Variants in CTNNA3 observed in about 807,000 individuals in gnomAD.
CTNNA3 encodes the protein catenin alpha-3.
In CTNNA3, 76 loss-of-function variants were observed where a neutral mutation model predicts 95.7. That is an observed-to-expected ratio of 0.79 (90% confidence interval 0.66 to 0.96). The LOEUF is 0.96. Among genes scored for constraint, CTNNA3 ranks in the 40% least tolerant of loss-of-function variants. CTNNA3 has a pLI of 0.00. For synonymous variants in CTNNA3, 431 were observed against 374.4 expected (o/e 1.15, Z -1.74); for missense variants, 1,191 against 1,089.8 (o/e 1.09, Z -1.31).
chr10:67,120,696 T>C (rs1409996389), intron 7 of CTNNA3, among the ~76,000 whole-genome samples: 1 of 152,046 alleles, frequency 6.6e-6, no homozygotes, highest in African/African-American at 2.4e-5. Context: ...ACCTACTGTA[T>C]ATATCTTGTT....
intron 11 of CTNNA3, among the ~76,000 whole-genome samples, chr10:66,474,789 T>G (rs141629183): frequency 1.4e-4 from 22 of 152,196 alleles, no homozygotes; most frequent in Non-Finnish European, 2.8e-4. Context: ...TCCCTGATGA[T>G]TAGTGATGCC....
intron 5 of CTNNA3, among the ~76,000 whole-genome samples, chr10:67,253,624 G>A (rs1866200685): frequency 6.6e-6 from 1 of 152,174 alleles, no homozygotes; most frequent in South Asian, 2.1e-4. Context: ...GAGGCCATCA[G>A]GGGATTCAAC....
Position 66,634,544 on chromosome 10 carries a change from A to C in CTNNA3, c.1282-12760T>G, listed in dbSNP as rs1845268704. Among the ~76,000 whole-genome samples, 6 of 150,140 alleles carry C rather than the reference A, an allele frequency of 4.0e-5. No homozygotes were observed. The South Asian group carries it at 1.3e-3, about 31-fold the overall frequency. The stretch of plus-strand genomic sequence containing the variant: ...TGATCTTAATAATGAATTTAAATTC[A>C]ACATGTTTGGAAAGGTACTCTGTGC... On this transcript the variant is annotated intron_variant, in intron 9 of 17. Coordinates refer to ENST00000433211, the MANE Select transcript of CTNNA3 (RefSeq NM_013266.4).
rs1158635353 is a variant in CTNNA3 at position 66,509,061 on chromosome 10, GT to G, written c.1531+11555del. Among the ~76,000 whole-genome samples, 34 of 152,124 alleles carry G rather than the reference GT, an allele frequency of 2.2e-4. 1 individual carries two copies. The highest frequency in any genetic ancestry group is 7.5e-4 in the African/African-American group (31 of 41,542). ...ACACCAGCGTTTGTTATTTATTTTT[GT>G]CTTTTTGATAATAGGAATTCTGACT... On this transcript the variant is annotated intron_variant, in intron 11 of 17. Coordinates refer to ENST00000433211, the MANE Select transcript of CTNNA3 (RefSeq NM_013266.4).
intron 5 of CTNNA3, among the ~76,000 whole-genome samples, chr10:67,286,994 C>T (rs1330354191): frequency 6.6e-6 from 1 of 152,088 alleles, no homozygotes; most frequent in Non-Finnish European, 1.5e-5. Context: ...TCTGAAATCC[C>T]CCTAGAAGCA....
chr10:66,263,934 C>G (rs1278749750), intron 13 of CTNNA3, among the ~76,000 whole-genome samples: 1 of 151,850 alleles, frequency 6.6e-6, no homozygotes, highest in South Asian at 2.1e-4. Flanking sequence ...AGCCGTTTCT[C>G]GGTTTTCTAT....
At chr10:67,127,837 T>C (rs1859794017) in intron 7 of CTNNA3, among the ~76,000 whole-genome samples, 1 of 151,894 alleles carries the variant, frequency 6.6e-6, no homozygotes. Flanking sequence ...AGGAAAGAAC[T>C]TGAGATTGTG....
At chr10:67,648,860 T>C in intron 1 of CTNNA3, 3 of 1,113,452 alleles carry the variant, frequency 2.7e-6, no homozygotes, top group Non-Finnish European at 3.6e-6. Flanking sequence ...CCAAACACTA[T>C]TGCCAAATGG....
rs1487068119 is a variant in CTNNA3 at position 67,028,437 on chromosome 10, A to G, written c.1047+151880T>C. 1.3e-5 allele frequency among the ~76,000 whole-genome samples: 2 copies of G among 152,080 alleles called. 1 individual carries two copies. The highest frequency in any genetic ancestry group is 4.8e-5 in the African/African-American group (2 of 41,402). ...CCAAAAAATTTAGGGTTTGACAATC[A>G]GTCTTTATTAAAAAAAAAAATCTAG... On this transcript the variant is annotated intron_variant, in intron 7 of 17. Transcript: ENST00000433211.
intron 11 of CTNNA3, among the ~76,000 whole-genome samples, chr10:66,494,023 T>C (rs972130220): frequency 6.8e-6 from 1 of 147,478 alleles, no homozygotes; most frequent in Admixed American, 6.8e-5. Context: ...TTCTCCTGCC[T>C]CAGCCTCTCG....
rs570868679 is a variant in CTNNA3 at position 66,775,653 on chromosome 10, A to G, written c.1048-129T>C. The G allele has an allele frequency of 1.3e-4, 79 of 627,970 alleles. No individual in the cohort carries two copies. The Admixed American group carries it at 2.3e-3, about 18-fold the overall frequency. 38.9% of individuals were successfully genotyped at this position (627,970 alleles called of 1,614,324 possible). ...ATAGGTTTCAAAACTGCTATATTAT[A>G]TATGATTCATGAGCATTTCACTTAA... On this transcript the variant is annotated intron_variant, in intron 7 of 17. Transcript: ENST00000433211.
intron 7 of CTNNA3, among the ~76,000 whole-genome samples, chr10:66,932,703 AAATAAT>A (rs1043811901): frequency 1.2e-4 from 2 of 17,010 alleles, no homozygotes; most frequent in African/African-American, 1.7e-4. Flanking sequence ...TGAATTAAAG[AAATAAT>A]AATAATACAT....
At chr10:66,396,423 CTT>C (rs1255041792) in intron 11 of CTNNA3, among the ~76,000 whole-genome samples, 8 of 151,910 alleles carry the variant, frequency 5.3e-5, no homozygotes, top group Non-Finnish European at 1.0e-4. Context: ...ATTGAAATAA[CTT>C]AGTACAATTT....
At chr10:66,547,366 T>C in intron 10 of CTNNA3, among the ~76,000 whole-genome samples, 1 of 144,234 alleles carries the variant, frequency 6.9e-6, no homozygotes. Context: ...TTTTTTGAGA[T>C]AGAGTCTGCT....
At chr10:67,170,228 T>C (rs1183960313) in intron 7 of CTNNA3, among the ~76,000 whole-genome samples, 2 of 152,194 alleles carry the variant, frequency 1.3e-5, no homozygotes, top group Non-Finnish European at 2.9e-5. Flanking sequence ...CTCAAAGAAC[T>C]AAAAGCAGAA....
At chr10:65,966,792 T>C in intron 16 of CTNNA3, 46 bp from the exon 17 acceptor site, 1 of 1,485,312 alleles carries the variant, frequency 6.7e-7, no homozygotes, top group Non-Finnish European at 9.3e-7. Context: ...GAATAAATAA[T>C]AGTTAGATCA....
intron 11 of CTNNA3, among the ~76,000 whole-genome samples, chr10:66,416,329 A>G (rs182765040): frequency 9.3e-4 from 142 of 152,146 alleles, no homozygotes; most frequent in South Asian, 1.5e-3. Flanking sequence ...AAGTGATAAA[A>G]TATATAAATT....
chr10:67,145,224 T>C (rs1262512246), intron 7 of CTNNA3, among the ~76,000 whole-genome samples: 2 of 152,198 alleles, frequency 1.3e-5, no homozygotes, highest in East Asian at 3.9e-4. Flanking sequence ...TTAACATATA[T>C]AATACTAATA....
At chr10:66,058,794 A>C (rs2080136140) in intron 15 of CTNNA3, among the ~76,000 whole-genome samples, 1 of 152,172 alleles carries the variant, frequency 6.6e-6, no homozygotes, top group East Asian at 1.9e-4. Context: ...GATATTATAG[A>C]AACATAATAC....
Sources: gnomAD v4.1 joint callset for allele counts (sites outside exome capture counted in the v4.1 genomes callset) on GRCh38, gnomAD v4.1.1 for gene constraint, MANE v1.5 for transcripts, NCBI Gene and HGNC (gene_info 2026-07-23, HGNC 2026-07-21) for gene names.